The following FSTL4 variants were observed in gnomAD, a reference collection of about 807,000 sequenced individuals.
FSTL4 encodes follistatin like 4, also known as follistatin-related protein 4.
A neutral mutation model predicts 78.2 loss-of-function variants in FSTL4; 28 were observed. That is an observed-to-expected ratio of 0.36 (90% confidence interval 0.27 to 0.49). The LOEUF (loss-of-function observed/expected upper bound fraction) is 0.49. Among genes scored for constraint, FSTL4 ranks in the 20% least tolerant of loss-of-function variants. FSTL4 has a pLI of 0.98. For missense variants in FSTL4, 922 were observed against 1,084.9 expected (o/e 0.85, Z 2.11); for synonymous variants, 422 against 440.5 (o/e 0.96, Z 0.53).
intron 3 of FSTL4, among the ~76,000 whole-genome samples, chr5:133,538,992 A>C (rs1343694390): frequency 1.3e-5 from 2 of 152,248 alleles, no homozygotes; most frequent in Admixed American, 6.5e-5. Flanking sequence ...CCTTCACAAG[A>C]TGGTAACCTC....
At chr5:133,825,341 G>C in the FSTL4 span, among the ~76,000 whole-genome samples, 1 of 152,170 alleles carries the variant, frequency 6.6e-6, no homozygotes, top group East Asian at 1.9e-4. Context: ...CTTTGGTCTG[G>C]AATCTTGAAC....
intron 2 of FSTL4, among the ~76,000 whole-genome samples, chr5:133,591,948 C>A (rs1474029413): frequency 6.6e-6 from 1 of 152,200 alleles, no homozygotes; most frequent in African/African-American, 2.4e-5. Context: ...CTGCTCCTGG[C>A]CACCAAAGCG....
At position 133,445,216 on chromosome 5, in the gene FSTL4, G is replaced by A. The variant is rs1316857946; in HGVS notation, c.161-44230C>T. ...TTACTTTCAAAAATCGAGAAGCAGA[G>A]GGGCAGCTTCCAGCTAAAAAAGCCT... On this transcript the variant is annotated intron_variant, in intron 3 of 15. Transcript: ENST00000265342. Among the ~76,000 whole-genome samples the A allele has an allele frequency of 2.0e-5, 3 of 152,356 alleles. No homozygotes were observed. In the East Asian group the frequency reaches 5.8e-4, roughly 29 times the overall value.
chr5:133,343,009 G>A (rs578208607), intron 4 of FSTL4, among the ~76,000 whole-genome samples: 20 of 152,178 alleles, frequency 1.3e-4, no homozygotes, highest in East Asian at 3.9e-4. Context: ...CCTAATGACT[G>A]TGGGAGTTGA....
chr5:133,478,030 G>A (rs1329463055), intron 3 of FSTL4, among the ~76,000 whole-genome samples: 1 of 152,176 alleles, frequency 6.6e-6, no homozygotes. Context: ...ATCTCTTCCT[G>A]ATTTTCACTG....
rs572360750 is a variant in FSTL4, at chr5:133,295,626, C to T, written c.727+17028G>A. On this transcript the variant is annotated intron_variant, in intron 6 of 15. Transcript: ENST00000265342. The stretch of plus-strand genomic sequence containing the variant: ...TTTTGTACCCTCTCCCATCCCACTG[C>T]GTGGAAACTGCCTTTCAAGCCGAAG... Among the ~76,000 whole-genome samples the T allele has an allele frequency of 3.1e-4, 47 of 152,318 alleles. 1 individual carries two copies. Among genetic ancestry groups the T allele is most frequent in the Admixed American group, 2.0e-3 (30 of 15,300 alleles).
At chr5:133,490,235 T>G in intron 3 of FSTL4, among the ~76,000 whole-genome samples, 1 of 152,218 alleles carries the variant, frequency 6.6e-6, no homozygotes, top group Admixed American at 6.5e-5. Context: ...AGCTGTGTGG[T>G]GAAATTAATA....
intron 3 of FSTL4, among the ~76,000 whole-genome samples, chr5:133,547,770 A>C (rs1419246668): frequency 6.6e-6 from 1 of 152,186 alleles, no homozygotes; most frequent in African/African-American, 2.4e-5. Flanking sequence ...AGATTTGGCA[A>C]CCTGAGCCTC....
chr5:133,563,438 C>T (rs754107871), intron 3 of FSTL4, among the ~76,000 whole-genome samples: 1 of 152,234 alleles, frequency 6.6e-6, no homozygotes, highest in African/African-American at 2.4e-5. Context: ...CATTCCTCAT[C>T]CCTACTAAAA....
intron 6 of FSTL4, among the ~76,000 whole-genome samples, chr5:133,273,403 T>C (rs182713776): frequency 1.6e-3 from 242 of 152,368 alleles, no homozygotes; most frequent in Non-Finnish European, 2.6e-3. Flanking sequence ...CTAGGACTTG[T>C]AACATAGCCA....
At chr5:133,765,142 T>G in the FSTL4 span, among the ~76,000 whole-genome samples, 1 of 152,252 alleles carries the variant, frequency 6.6e-6, no homozygotes, top group African/African-American at 2.4e-5. Context: ...AGGGAAACTT[T>G]GAAATGTGCA....
chr5:133,435,892 T>C (rs927103478), intron 3 of FSTL4, among the ~76,000 whole-genome samples: 2 of 152,238 alleles, frequency 1.3e-5, no homozygotes, highest in Non-Finnish European at 2.9e-5. Context: ...CTACCCTTGC[T>C]TTCTGTTTTT....
chr5:133,437,237 C>T (rs1391972338), intron 3 of FSTL4, among the ~76,000 whole-genome samples: 2 of 152,116 alleles, frequency 1.3e-5, no homozygotes, highest in Non-Finnish European at 2.9e-5. Context: ...ACTCAAGTGC[C>T]TTTGTCAAGT....
chr5:133,297,385 C>T (rs1753423461), intron 6 of FSTL4, among the ~76,000 whole-genome samples: 1 of 152,116 alleles, frequency 6.6e-6, no homozygotes, highest in African/African-American at 2.4e-5. Context: ...CTCGGTGGGA[C>T]TCGTGGGTGG....
chr5:133,328,872 A>G (rs528698773), intron 4 of FSTL4, among the ~76,000 whole-genome samples: 2 of 152,264 alleles, frequency 1.3e-5, no homozygotes, highest in East Asian at 3.9e-4. Context: ...CCTCCCAAAC[A>G]TCTAACTAAG....
chr5:133,315,759 A>C (rs578038160), intron 5 of FSTL4, among the ~76,000 whole-genome samples: 3 of 152,108 alleles, frequency 2.0e-5, no homozygotes, highest in South Asian at 4.2e-4. Flanking sequence ...CCTCCAGCCC[A>C]CCCCAGCTTT....
the FSTL4 span, among the ~76,000 whole-genome samples, chr5:133,740,225 C>T: frequency 2.0e-5 from 3 of 152,098 alleles, no homozygotes; most frequent in Non-Finnish European, 4.4e-5. Context: ...CCCCCTTAGA[C>T]AGGTGGAAGA....
chr5:133,626,578 G>T, the FSTL4 span, among the ~76,000 whole-genome samples: 2 of 151,102 alleles, frequency 1.3e-5, no homozygotes, highest in Non-Finnish European at 2.9e-5. Context: ...TTTTTGATAT[G>T]ATGTGTTCTC....
At chr5:133,233,632 GGA>G in intron 7 of FSTL4, 95 bp from the exon 8 acceptor site, 2 of 1,472,790 alleles carry the variant, frequency 1.4e-6, no homozygotes, top group Non-Finnish European at 1.9e-6. Flanking sequence ...CCTGCAGCTG[GGA>G]GAGAGTTCCT....
Sources: gnomAD v4.1 joint callset for allele counts (sites outside exome capture counted in the v4.1 genomes callset) on GRCh38, gnomAD v4.1.1 for gene constraint, MANE v1.5 for transcripts, NCBI Gene and HGNC (gene_info 2026-07-23, HGNC 2026-07-21) for gene names.